Variants in CERS6 observed in about 807,000 individuals in gnomAD.
CERS6 encodes LAG1 homolog, ceramide synthase 6.
In CERS6, 26 loss-of-function variants were observed where a neutral mutation model predicts 56.8. The observed-to-expected ratio is 0.46, with a 90% CI of 0.34 to 0.63. The LOEUF (loss-of-function observed/expected upper bound fraction) is 0.63. Ranked by LOEUF, CERS6 falls within the 30% of genes least tolerant of loss-of-function variation. The pLI, the probability that CERS6 is intolerant of heterozygous loss-of-function variation, is 0.01. For missense variants in CERS6, 415 were observed against 467.5 expected (o/e 0.89, Z 1.04); for synonymous variants, 164 against 173.3 (o/e 0.95, Z 0.42).
chr2:168,656,602 G>C (rs1685476959), intron 4 of CERS6, among the ~76,000 whole-genome samples: 1 of 151,986 alleles, frequency 6.6e-6, no homozygotes, highest in African/African-American at 2.4e-5. Flanking sequence ...TCGTGGTCTT[G>C]CTGGGCTCAG....
At chr2:168,667,053 T>C (rs912876651) in intron 4 of CERS6, among the ~76,000 whole-genome samples, 4 of 152,236 alleles carry the variant, frequency 2.6e-5, no homozygotes, top group African/African-American at 9.6e-5. Context: ...GGCAAAAGTT[T>C]TCACATATGA....
At chr2:168,618,415 C>CA (rs1032910688) in intron 3 of CERS6, among the ~76,000 whole-genome samples, 7 of 152,194 alleles carry the variant, frequency 4.6e-5, no homozygotes, top group African/African-American at 1.7e-4. Context: ...AAAAGGCATC[C>CA]AAATCAGTCA....
At chr2:168,675,782 G>C (rs1331579376) in intron 4 of CERS6, among the ~76,000 whole-genome samples, 1 of 151,938 alleles carries the variant, frequency 6.6e-6, no homozygotes, top group African/African-American at 2.4e-5. Context: ...CACCTCCCGG[G>C]TTCAAGCGGT....
At chr2:168,624,022 T>A (rs1249433448) in intron 3 of CERS6, among the ~76,000 whole-genome samples, 4 of 152,164 alleles carry the variant, frequency 2.6e-5, no homozygotes, top group African/African-American at 9.7e-5. Flanking sequence ...CAAGAAAATT[T>A]AAGAGTGCAG....
At chr2:168,599,230 G>A (rs1364684768) in intron 3 of CERS6, among the ~76,000 whole-genome samples, 2 of 152,150 alleles carry the variant, frequency 1.3e-5, no homozygotes, top group Non-Finnish European at 2.9e-5. Context: ...TGGTACAGTT[G>A]TGCTCTGTGT....
chr2:168,524,936 A>G (rs563009483), intron 1 of CERS6, among the ~76,000 whole-genome samples: 1 of 152,210 alleles, frequency 6.6e-6, no homozygotes, highest in Non-Finnish European at 1.5e-5. Context: ...AGCTATGTGG[A>G]CATTTTTCCT....
intron 3 of CERS6, among the ~76,000 whole-genome samples, chr2:168,607,631 C>T (rs1485812272): frequency 3.3e-5 from 5 of 152,198 alleles, no homozygotes; most frequent in African/African-American, 4.8e-5. Context: ...CCGCCTGCCT[C>T]GGCCTTCCAA....
At chr2:168,748,990 T>TC (rs1457135309) in intron 8 of CERS6, among the ~76,000 whole-genome samples, 1 of 113,644 alleles carries the variant, frequency 8.8e-6, no homozygotes. Context: ...CATCCCTTCC[T>TC]CCCCCTCTGT....
intron 8 of CERS6, among the ~76,000 whole-genome samples, chr2:168,753,463 C>G (rs1164980945): frequency 6.6e-6 from 1 of 152,348 alleles, no homozygotes; most frequent in Non-Finnish European, 1.5e-5. Context: ...TCTGCATTCA[C>G]TTTCCTAAGG....
intron 4 of CERS6, among the ~76,000 whole-genome samples, chr2:168,685,644 T>C (rs905887621): frequency 2.0e-5 from 3 of 152,070 alleles, no homozygotes; most frequent in African/African-American, 7.2e-5. Flanking sequence ...TAAAAAAAAA[T>C]CATAGAATAA....
chr2:168,621,172 C>A (rs999863507), intron 3 of CERS6, among the ~76,000 whole-genome samples: 2 of 152,104 alleles, frequency 1.3e-5, no homozygotes, highest in Admixed American at 1.3e-4. Flanking sequence ...TTGCATAGAG[C>A]CTTGATGTTC....
At chr2:168,578,902 A>G (rs965003339) in intron 3 of CERS6, among the ~76,000 whole-genome samples, 1 of 152,176 alleles carries the variant, frequency 6.6e-6, no homozygotes, top group Non-Finnish European at 1.5e-5. Flanking sequence ...GTCTCTGTTT[A>G]CAAGATATGA....
intron 1 of CERS6, among the ~76,000 whole-genome samples, chr2:168,482,448 T>C (rs1694194267): frequency 6.6e-6 from 1 of 152,234 alleles, no homozygotes; most frequent in African/African-American, 2.4e-5. Flanking sequence ...AGTTCAGGAA[T>C]GTTGGCTTCC....
At chr2:168,657,365 A>G (rs1400616524) in intron 4 of CERS6, among the ~76,000 whole-genome samples, 3 of 152,266 alleles carry the variant, frequency 2.0e-5, no homozygotes. Flanking sequence ...TCAGGAGCCC[A>G]GCTGGCTTCA....
intron 1 of CERS6, among the ~76,000 whole-genome samples, chr2:168,473,399 C>T (rs1694012798): frequency 6.6e-6 from 1 of 152,112 alleles, no homozygotes; most frequent in African/African-American, 2.4e-5. Context: ...AAGGGCACAA[C>T]AACATTCTTC....
chr2:168,750,841 C>T (rs1404671623), intron 8 of CERS6, among the ~76,000 whole-genome samples: 1 of 152,184 alleles, frequency 6.6e-6, no homozygotes, highest in Non-Finnish European at 1.5e-5. Flanking sequence ...TAGAGTGTGC[C>T]AATTTATATT....
chr2:168,663,176 C>G (rs1230284011), intron 4 of CERS6, among the ~76,000 whole-genome samples: 2 of 152,198 alleles, frequency 1.3e-5, no homozygotes, highest in Non-Finnish European at 2.9e-5. Context: ...GTTTCCAAAT[C>G]ACCATCCAGT....
chr2:168,652,984 A>G (rs868083119), intron 4 of CERS6, among the ~76,000 whole-genome samples: 3 of 152,262 alleles, frequency 2.0e-5, no homozygotes, highest in East Asian at 1.9e-4. Flanking sequence ...TTGTCCAACA[A>G]TCAGCATTTA....
chr2:168,522,067 G>A lies in CERS6; in HGVS notation c.171-25529G>A, dbSNP rs142390943. 6.2e-3 allele frequency among the ~76,000 whole-genome samples: 944 copies of A among 152,240 alleles called. 8 individuals are homozygous for A. The highest frequency in any genetic ancestry group is 0.02 in the African/African-American group (837 of 41,554). Reference sequence around the variant, plus strand: ...AGAACACAGTGGGAAAATTTATTGCGCAAATGATATATTTTTGTGACTTTG... The same window carrying A: ...AGAACACAGTGGGAAAATTTATTGCACAAATGATATATTTTTGTGACTTTG... On this transcript the variant is annotated intron_variant, in intron 1 of 9. Transcript: ENST00000305747.
Sources: gnomAD v4.1 joint callset for allele counts (sites outside exome capture counted in the v4.1 genomes callset) on GRCh38, gnomAD v4.1.1 for gene constraint, MANE v1.5 for transcripts, NCBI Gene and HGNC (gene_info 2026-07-23, HGNC 2026-07-21) for gene names.